Variants in CLIC5 observed in about 807,000 individuals in gnomAD.
CLIC5 encodes the protein CLIC family member 5, also known as chloride intracellular channel protein 5.
A neutral mutation model predicts 24.7 loss-of-function variants in CLIC5; 20 were observed. That is an observed-to-expected ratio of 0.81 (90% CI 0.57 to 1.18). The LOEUF is 1.18. Ranked by LOEUF, CLIC5 falls within the 50% of genes most tolerant of loss-of-function variation. The probability of loss-of-function intolerance (pLI) is 0.00; values close to 1 mark genes in which losing one functional copy is unlikely to be tolerated. For missense variants in CLIC5, 341 were observed against 326.1 expected (o/e 1.05, Z -0.35); for synonymous variants, 159 against 135.6 (o/e 1.17, Z -1.20).
chr6:45,890,529 A>G (rs1315032029), intron 6 of CLIC5, among the ~76,000 whole-genome samples: 2 of 152,190 alleles, frequency 1.3e-5, no homozygotes, highest in Admixed American at 6.5e-5. Flanking sequence ...CTAAAAATAG[A>G]ATGACTATAT....
At chr6:45,967,411 G>A (rs1488344810) in intron 1 of CLIC5, among the ~76,000 whole-genome samples, 1 of 152,168 alleles carries the variant, frequency 6.6e-6, no homozygotes, top group Non-Finnish European at 1.5e-5. Context: ...TGGGTGGAGT[G>A]GGGACAGGAA....
the CLIC5 span, among the ~76,000 whole-genome samples, chr6:46,103,598 C>T: frequency 6.6e-6 from 1 of 152,154 alleles, no homozygotes; most frequent in Admixed American, 6.5e-5. Context: ...TCTGTTTTGC[C>T]ATGATCCAAG....
At chr6:46,103,138 T>C in the CLIC5 span, among the ~76,000 whole-genome samples, 2 of 152,316 alleles carry the variant, frequency 1.3e-5, no homozygotes, top group African/African-American at 4.8e-5. Flanking sequence ...AGAGATTAAC[T>C]AATTTGCCTA....
intron 1 of CLIC5, among the ~76,000 whole-genome samples, chr6:45,974,208 G>C (rs1442113291): frequency 6.6e-6 from 1 of 151,742 alleles, no homozygotes; most frequent in African/African-American, 2.4e-5. Context: ...AGAAATCCTG[G>C]GTTTCTGTCC....
rs913995616 is a variant in CLIC5 at position 45,900,801 on chromosome 6, A to C, written c.*2287T>G. 2.3e-4 allele frequency: 35 copies of C among 152,126 alleles called. No homozygotes were observed. The highest frequency in any genetic ancestry group is 8.2e-4 in the African/African-American group (34 of 41,420). The allele number at this position is 152,126 out of a possible 1,614,324, so 9.4% of individuals were successfully genotyped here. ...TTATCTCTGTAAAACTAGCTCAACC[A>C]CAGAAGGGACATCTAGAAACAGCAA... is the stretch of plus-strand genomic sequence containing the variant. On this transcript the variant is annotated 3_prime_UTR_variant, in exon 6 of 6. Coordinates refer to ENST00000339561, the MANE Select transcript of CLIC5 (RefSeq NM_016929.5).
At chr6:46,042,876 C>T (rs911313905) in intron 1 of CLIC5, among the ~76,000 whole-genome samples, 8 of 152,188 alleles carry the variant, frequency 5.3e-5, no homozygotes, top group African/African-American at 1.9e-4. Flanking sequence ...GACACTCAGA[C>T]CTTCTGTGCT....
the CLIC5 span, among the ~76,000 whole-genome samples, chr6:46,086,338 A>G: frequency 0.16 from 24,397 of 152,052 alleles, 2,198 homozygotes; most frequent in South Asian, 0.34. Context: ...CTTCTGCGTC[A>G]CTCACGCTGG....
intron 1 of CLIC5, among the ~76,000 whole-genome samples, chr6:46,065,476 A>T (rs1214906854): frequency 6.6e-6 from 1 of 152,184 alleles, no homozygotes; most frequent in Non-Finnish European, 1.5e-5. Context: ...AAATCTTTAT[A>T]GCAGCCTCAT....
intron 1 of CLIC5, among the ~76,000 whole-genome samples, chr6:46,005,972 C>G (rs1766537939): frequency 8.0e-6 from 1 of 125,052 alleles, no homozygotes; most frequent in African/African-American, 3.3e-5. Flanking sequence ...AGGACAGAGC[C>G]TATGTGTGTA....
At chr6:45,981,614 A>G (rs1374019437) in intron 1 of CLIC5, among the ~76,000 whole-genome samples, 1 of 152,218 alleles carries the variant, frequency 6.6e-6, no homozygotes, top group East Asian at 1.9e-4. Flanking sequence ...GGCCAGGCCT[A>G]GGTGGGAGGA....
At chr6:46,118,402 T>C in the CLIC5 span, among the ~76,000 whole-genome samples, 1 of 152,174 alleles carries the variant, frequency 6.6e-6, no homozygotes, top group African/African-American at 2.4e-5. Context: ...TATTTCATCA[T>C]CCAGACCAAG....
chr6:45,903,178 A>G lies in CLIC5; in HGVS notation c.666T>C (p.Tyr222=). ...TGLWRYLKNA[Y]ARDEFTNTCA... ...AGGTGTTGGTGAACTCATCACGGGC[A>G]TAGGCGTTCTTGAGGTACCGCCACA... The change falls in exon 6 of 6, where the codon TAT becomes TAC. Residue 222 remains tyrosine (Y), a synonymous_variant. Transcript: ENST00000339561. 1 of 1,614,054 alleles carries G rather than the reference A, an allele frequency of 6.2e-7. No individual in the cohort carries two copies. The highest frequency in any genetic ancestry group is 8.5e-7 in the Non-Finnish European group (1 of 1,179,966).
intron 1 of CLIC5, among the ~76,000 whole-genome samples, chr6:46,010,406 C>T (rs10948271): frequency 0.31 from 47,571 of 152,070 alleles, 9,258 homozygotes; most frequent in Middle Eastern, 0.52. Flanking sequence ...CCAGAGAGGT[C>T]AAGCAGCCCA....
At chr6:46,086,427 A>C in the CLIC5 span, among the ~76,000 whole-genome samples, 4 of 152,206 alleles carry the variant, frequency 2.6e-5, no homozygotes, top group African/African-American at 7.2e-5. Flanking sequence ...ATAAGTGGAC[A>C]ATTAGAGTGG....
intron 1 of CLIC5, among the ~76,000 whole-genome samples, chr6:45,992,784 T>C (rs1336270846): frequency 6.6e-6 from 1 of 152,218 alleles, no homozygotes; most frequent in African/African-American, 2.4e-5. Flanking sequence ...TGTATATCTA[T>C]TTAAGGGCTG....
chr6:45,909,317 C>T (rs572986485), intron 5 of CLIC5, among the ~76,000 whole-genome samples: 34 of 152,072 alleles, frequency 2.2e-4, no homozygotes, highest in Admixed American at 4.6e-4. Context: ...TTGATCTTTT[C>T]GTGAAGCTGT....
At chr6:46,042,802 G>T (rs956890180) in intron 1 of CLIC5, among the ~76,000 whole-genome samples, 1 of 152,080 alleles carries the variant, frequency 6.6e-6, no homozygotes, top group African/African-American at 2.4e-5. Flanking sequence ...GAGAGATGGG[G>T]CACTTAGTCA....
At chr6:45,957,443 G>A (rs1468080357) in intron 1 of CLIC5, among the ~76,000 whole-genome samples, 5 of 152,124 alleles carry the variant, frequency 3.3e-5, no homozygotes, top group Non-Finnish European at 5.9e-5. Flanking sequence ...ACGAACGCAG[G>A]TGGTCTGGCT....
chr6:45,891,845 T>A (rs1697503529), intron 6 of CLIC5, among the ~76,000 whole-genome samples: 1 of 152,158 alleles, frequency 6.6e-6, no homozygotes, highest in African/African-American at 2.4e-5. Flanking sequence ...GTTTTCCTTT[T>A]TGAATTAAAA....
Sources: gnomAD v4.1 joint callset for allele counts (sites outside exome capture counted in the v4.1 genomes callset) on GRCh38, gnomAD v4.1.1 for gene constraint, MANE v1.5 for transcripts, NCBI Gene and HGNC (gene_info 2026-07-23, HGNC 2026-07-21) for gene names.